MAPKBP1: variants seen among roughly 807,000 people sequenced by gnomAD.
MAPKBP1 encodes the protein mitogen-activated protein kinase binding protein 1, also known as mitogen-activated protein kinase-binding protein 1.
MAPKBP1 carries 71 observed loss-of-function variants against 170.5 expected under a neutral mutation model. The observed-to-expected ratio is 0.42, with a 90% CI of 0.34 to 0.51. The LOEUF is 0.51. Among genes scored for constraint, MAPKBP1 ranks in the 20% least tolerant of loss-of-function variants. The probability of loss-of-function intolerance (pLI) is 0.06; values close to 1 mark genes in which losing one functional copy is unlikely to be tolerated. For synonymous variants in MAPKBP1, 719 were observed against 757.9 expected (o/e 0.95, Z 0.84); for missense variants, 1,598 against 1,933.0 (o/e 0.83, Z 3.25).
At chr15:41,798,954 A>T (rs564446809) in intron 2 of MAPKBP1, among the ~76,000 whole-genome samples, 1 of 152,222 alleles carries the variant, frequency 6.6e-6, no homozygotes, top group Non-Finnish European at 1.5e-5. Flanking sequence ...GACCCAGAGC[A>T]GAGGATGACA....
chr15:41,822,545 C>T, intron 26 of MAPKBP1, 48 bp from the exon 27 acceptor site: 2 of 1,609,288 alleles, frequency 1.2e-6, no homozygotes, highest in Non-Finnish European at 1.7e-6. Context: ...AAATCTGGGG[C>T]AAGGGCTTGG....
intron 5 of MAPKBP1, 89 bp from the exon 6 acceptor site, chr15:41,811,868 G>C: frequency 7.4e-7 from 1 of 1,351,018 alleles, no homozygotes; most frequent in Non-Finnish European, 1.0e-6. Flanking sequence ...AGTAGCTGAG[G>C]AGGCGAGGGC....
intron 2 of MAPKBP1, among the ~76,000 whole-genome samples, chr15:41,792,924 C>CA (rs1196438527): frequency 3.9e-5 from 6 of 152,096 alleles, no homozygotes; most frequent in Admixed American, 3.9e-4. Flanking sequence ...CATTGGTTCT[C>CA]AGAGTGTGGT....
At position 41,811,962 on chromosome 15, in the gene MAPKBP1, G is replaced by A; in HGVS notation, c.333G>A (p.Gly111=). 6.2e-7 allele frequency: 1 copy of A among 1,614,114 alleles called. No homozygotes were observed. The highest frequency in any genetic ancestry group is 2.2e-5 in the East Asian group (1 of 44,888). Residue 111 remains glycine, a synonymous_variant, in exon 6 of 31, where the codon GGG becomes GGA. Transcript: ENST00000457542. ...CAGTTCTTGCCTCCCTGCAGAGTGG[G>A]CACATGCCTGCCGTGCGGGTTTGGG... The part of the protein sequence containing the change: ...DGKYLVTGES[G]HMPAVRVWDV...
intron 2 of MAPKBP1, among the ~76,000 whole-genome samples, chr15:41,784,771 A>T (rs1364972353): frequency 9.7e-5 from 10 of 103,572 alleles, no homozygotes; most frequent in Admixed American, 1.4e-4. Context: ...ATAGAGCGAG[A>T]CTCCGTCTCA....
At chr15:41,778,974 T>C (rs1042444356) in intron 2 of MAPKBP1, among the ~76,000 whole-genome samples, 8 of 152,204 alleles carry the variant, frequency 5.3e-5, no homozygotes, top group African/African-American at 1.9e-4. Flanking sequence ...CTGGAAACAA[T>C]GGGTAAGATG....
intron 8 of MAPKBP1, 131 bp downstream of exon 8, chr15:41,813,232 G>A: frequency 6.6e-7 from 1 of 1,504,738 alleles, no homozygotes; most frequent in Non-Finnish European, 9.2e-7. Context: ...AAGCTTGGGG[G>A]AGCTAGAGCT....
At chr15:41,811,391 A>C in intron 5 of MAPKBP1, 156 bp downstream of exon 5, 2 of 771,522 alleles carry the variant, frequency 2.6e-6, no homozygotes, top group South Asian at 3.0e-5. Context: ...CTCAAGCTTT[A>C]GTGTACATCA....
intron 2 of MAPKBP1, among the ~76,000 whole-genome samples, chr15:41,799,097 A>G (rs1244265399): frequency 6.6e-6 from 1 of 152,056 alleles, no homozygotes; most frequent in African/African-American, 2.4e-5. Flanking sequence ...TAACAATACT[A>G]ATGATGAGAG....
intron 3 of MAPKBP1, among the ~76,000 whole-genome samples, chr15:41,807,271 T>C (rs1223102473): frequency 1.3e-5 from 2 of 152,092 alleles, no homozygotes; most frequent in African/African-American, 4.8e-5. Flanking sequence ...GAGCTGAACA[T>C]AGGAGAAGGA....
chr15:41,811,892 A>G (rs1056858153), intron 5 of MAPKBP1, 65 bp from the exon 6 acceptor site: 1 of 1,561,632 alleles, frequency 6.4e-7, no homozygotes, highest in African/African-American at 1.4e-5. Context: ...GCTCTGGAAG[A>G]CGAAGTGGGG....
At chr15:41,802,810 ATGT>A (rs1197048719) in intron 3 of MAPKBP1, among the ~76,000 whole-genome samples, 1 of 152,230 alleles carries the variant, frequency 6.6e-6, no homozygotes, top group Non-Finnish European at 1.5e-5. Context: ...TAAGCTTTAA[ATGT>A]TGTTTTTAAC....
Position 41,796,781 on chromosome 15 carries a change from C to T in MAPKBP1, c.115-3042C>T, listed in dbSNP as rs907247844. On this transcript the variant is annotated intron_variant, in intron 2 of 30. Coordinates refer to ENST00000457542, the MANE Select transcript of MAPKBP1 (RefSeq NM_014994.3). ...AAATGACTAAGGAACACAAAGGTGCCGGTGATCAGAGCCTGTCTCCCAGGC... is the reference window on the plus strand; with the variant it reads ...AAATGACTAAGGAACACAAAGGTGCTGGTGATCAGAGCCTGTCTCCCAGGC... 2.6e-5 allele frequency among the ~76,000 whole-genome samples: 4 copies of T among 152,086 alleles called. No homozygotes were observed. The East Asian group carries it at 5.8e-4, about 22-fold the overall frequency.
At chr15:41,819,559 A>T in intron 21 of MAPKBP1, 36 bp from the exon 22 acceptor site, 1 of 1,283,474 alleles carries the variant, frequency 7.8e-7, no homozygotes, top group African/African-American at 1.7e-5. Context: ...GGGGGGGGGC[A>T]GGAGACACTT....
intron 2 of MAPKBP1, among the ~76,000 whole-genome samples, chr15:41,776,082 G>A (rs1419719002): frequency 6.6e-6 from 1 of 152,218 alleles, no homozygotes; most frequent in Admixed American, 6.5e-5. Flanking sequence ...ACTTGTCTGT[G>A]TTTTGGTCCT....
At chr15:41,810,183 C>T (rs963223924) in intron 3 of MAPKBP1, among the ~76,000 whole-genome samples, 12 of 152,214 alleles carry the variant, frequency 7.9e-5, no homozygotes, top group South Asian at 2.1e-4. Context: ...GCTGTGCACC[C>T]GAGGCCTGCT....
chr15:41,786,778 ATATATATATATAT>A (rs1310528724), intron 2 of MAPKBP1, among the ~76,000 whole-genome samples: 1 of 29,474 alleles, frequency 3.4e-5, no homozygotes, highest in African/African-American at 1.1e-4. Context: ...AAAAAAAAAA[ATATATATATATAT>A]ATATATATAT....
In MAPKBP1 at chr15:41,817,159, G is replaced by A. The variant is rs2064905991; in HGVS notation, c.1711+124G>A. On this transcript the variant is annotated intron_variant, in intron 14 of 30. Coordinates refer to ENST00000457542, the MANE Select transcript of MAPKBP1 (RefSeq NM_014994.3). The surrounding 1 kb of genome is among the most constrained non-coding windows in gnomAD (Gnocchi z 4.2). ...TTGGACAGCAGCTGGGAGGCCTGGA[G>A]CTGGTTGGGAAGATAGGTGGAACAG... 2 of 1,452,060 alleles carry A rather than the reference G, an allele frequency of 1.4e-6. No homozygotes were observed. Among genetic ancestry groups the A allele is most frequent in the African/African-American group, 1.4e-5 (1 of 70,508 alleles). 89.9% of individuals were successfully genotyped at this position (1,452,060 alleles called of 1,614,324 possible). A position where few individuals can be genotyped will look rare whatever the true frequency, so the allele number is the denominator to read the frequency against.
rs746897599 is a variant in MAPKBP1 at position 41,812,601 on chromosome 15, C to T, written c.584C>T (p.Ala195Val). ...FSEDCSYFVT[A>V]GNRHIKFWYL... ...GAGGATTGCAGCTACTTTGTCACTG[C>T]AGGCAACCGACACATCAAATTCTGG... is the stretch of plus-strand genomic sequence containing the variant. The change falls in exon 7 of 31, where the codon GCA becomes GTA. Residue 195 changes from alanine to valine, a missense_variant. Around this residue, in one of 6 missense-constraint regions of MAPKBP1, gnomAD observed 430 missense variants for 617.2 expected, o/e 0.70. Transcript: ENST00000457542. 1.2e-6 allele frequency: 2 copies of T among 1,613,966 alleles called. No homozygotes were observed. The highest frequency in any genetic ancestry group is 2.2e-5 in the East Asian group (1 of 44,892).
Sources: allele counts gnomAD v4.1 joint callset (sites outside exome capture counted in the v4.1 genomes callset), GRCh38; gene constraint gnomAD v4.1.1; regional missense constraint gnomAD v4.1.1; non-coding constraint Gnocchi (gnomAD v3.1); transcripts MANE v1.5; gene names NCBI Gene and HGNC (gene_info 2026-07-23, HGNC 2026-07-21).